ELOVL4: variants seen among roughly 807,000 people sequenced by gnomAD.
ELOVL4 encodes the protein ELOVL fatty acid elongase 4.
A neutral mutation model predicts 42.1 loss-of-function variants in ELOVL4; 18 were observed. The ratio of observed to expected loss-of-function variants is 0.43; its 90% CI spans 0.30 to 0.63. The LOEUF (loss-of-function observed/expected upper bound fraction) is 0.63, where lower values mean the gene tolerates loss of function less well. Ranked by LOEUF, ELOVL4 falls within the 30% of genes least tolerant of loss-of-function variation. The probability of loss-of-function intolerance (pLI) is 0.15; values close to 1 mark genes in which losing one functional copy is unlikely to be tolerated. For missense variants in ELOVL4, 299 were observed against 376.2 expected, an observed-to-expected ratio of 0.79 and a Z score of 1.70; for synonymous variants, 117 against 127.0, an observed-to-expected ratio of 0.92 and a Z score of 0.53.
At chr6:79,920,502 T>C (rs887379875) in intron 4 of ELOVL4, among the ~76,000 whole-genome samples, 3 of 152,330 alleles carry the variant, frequency 2.0e-5, no homozygotes, top group Middle Eastern at 3.4e-3. Context: ...ACCAGATGTG[T>C]TTCTGATTTC....
Position 79,940,829 on chromosome 6 carries a change from T to A in ELOVL4, c.100+6351A>T, listed in dbSNP as rs60751270. 1.8e-3 allele frequency among the ~76,000 whole-genome samples: 272 copies of A among 152,336 alleles called. 11 individuals are homozygous for A. In the East Asian group the frequency reaches 0.051, roughly 28 times the overall value. On this transcript the variant is annotated intron_variant, in intron 1 of 5. Transcript: ENST00000369816. ...TAATTTTATTCTTTAATATTATTGC[T>A]ACTGTTTTCGATAAAATAGTTGGCT...
intron 1 of ELOVL4, among the ~76,000 whole-genome samples, chr6:79,940,708 G>C (rs1004545803): frequency 6.6e-6 from 1 of 152,088 alleles, no homozygotes; most frequent in Non-Finnish European, 1.5e-5. Context: ...GTAGAAATAA[G>C]AGACCCAAAG....
chr6:79,917,574 C>T (rs1197924706), intron 5 of ELOVL4, among the ~76,000 whole-genome samples: 1 of 152,178 alleles, frequency 6.6e-6, no homozygotes, highest in Non-Finnish European at 1.5e-5. Flanking sequence ...AATCCCAGCA[C>T]TCTGGGAGGC....
intron 4 of ELOVL4, 135 bp downstream of exon 4, chr6:79,921,475 AAAAAAAAAAAAAAAG>A (rs1774255428): frequency 3.3e-6 from 2 of 603,930 alleles, no homozygotes; most frequent in African/African-American, 2.0e-5. Flanking sequence ...AAAAAAAAAA[AAAAAAAAAAAAAAAG>A]AAATGAACAT....
intron 1 of ELOVL4, among the ~76,000 whole-genome samples, chr6:79,933,888 C>A (rs1239703612): frequency 6.6e-6 from 1 of 152,186 alleles, no homozygotes; most frequent in Non-Finnish European, 1.5e-5. Flanking sequence ...AATCTACAGA[C>A]TCCACGACTG....
Position 79,926,206 on chromosome 6 carries a change from A to G in ELOVL4, c.276T>C (p.Phe92=). Residue 92 remains phenylalanine (F), a synonymous_variant, in exon 2 of 6, where the codon TTT becomes TTC. Coordinates refer to ENST00000369816, the MANE Select transcript of ELOVL4 (RefSeq NM_022726.4). The part of the protein sequence containing the change: ...YNFGMVLLNL[F]IFRELFMGSY... Reference sequence around the variant, plus strand: ...CTTAAAAACATACCTCTCTGAAGATAAAGAGGTTAAGCAAAACCATCCCAA... The same window carrying G: ...CTTAAAAACATACCTCTCTGAAGATGAAGAGGTTAAGCAAAACCATCCCAA... The G allele has an allele frequency of 6.2e-7, 1 of 1,613,424 alleles. No individual in the cohort carries two copies. Among genetic ancestry groups the G allele is most frequent in the African/African-American group, 1.3e-5 (1 of 75,012 alleles).
rs770473003 is a variant in ELOVL4 at position 79,926,211 on chromosome 6, G to T, written c.271C>A (p.Leu91Ile). The T allele has an allele frequency of 6.2e-7, 1 of 1,613,594 alleles. No homozygotes were observed. Among genetic ancestry groups the T allele is most frequent in the Non-Finnish European group, 8.5e-7 (1 of 1,179,778 alleles). Residue 91 changes from leucine to isoleucine, a missense_variant, in exon 2 of 6, where the codon CTC (leucine) becomes ATC (isoleucine). Leu to Ile is a conservative substitution (Grantham distance 5). Transcript: ENST00000369816. ...AAACATACCTCTCTGAAGATAAAGA[G>T]GTTAAGCAAAACCATCCCAAAATTA... ...IYNFGMVLLN[L>I]FIFRELFMGS...
At chr6:79,941,897 C>T (rs190426123) in intron 1 of ELOVL4, among the ~76,000 whole-genome samples, 7 of 152,128 alleles carry the variant, frequency 4.6e-5, no homozygotes, top group Admixed American at 6.5e-5. Context: ...TAAATAATAA[C>T]GAAAGTTTAA....
In ELOVL4 at chr6:79,928,770, C is replaced by G. The variant is rs142286184; in HGVS notation, c.101-2389G>C. ...TTTTTTTTTTTAAGAAATGGAGTCT[C>G]ATTCTATTGTCCAGACTAGAGGGCA... On this transcript the variant is annotated intron_variant, in intron 1 of 5. Coordinates refer to ENST00000369816, the MANE Select transcript of ELOVL4 (RefSeq NM_022726.4). Among the ~76,000 whole-genome samples, 761 of 111,462 alleles carry G rather than the reference C, an allele frequency of 6.8e-3. 6 individuals carry two copies. Among genetic ancestry groups the G allele is most frequent in the African/African-American group, 0.026 (715 of 27,410 alleles). 73.1% of individuals were successfully genotyped at this position (111,462 alleles called of 152,430 possible). A position where few individuals can be genotyped will look rare whatever the true frequency, so the allele number is the denominator to read the frequency against.
At position 79,915,423 on chromosome 6, in the gene ELOVL4, A is replaced by G. The variant is rs115100823; in HGVS notation, c.*1185T>C. On this transcript the variant is annotated 3_prime_UTR_variant, in exon 6 of 6. Coordinates refer to ENST00000369816, the MANE Select transcript of ELOVL4 (RefSeq NM_022726.4). ...AATCTTTAGCACCAAGGAGTCAAGA[A>G]TATTGCACCAAAATGGGTTTATACT... The G allele has an allele frequency of 1.2e-4, 19 of 152,748 alleles. No individual in the cohort carries two copies. Among genetic ancestry groups the G allele is most frequent in the African/African-American group, 4.6e-4 (19 of 41,588 alleles). 9.5% of individuals were successfully genotyped at this position (152,748 alleles called of 1,614,324 possible).
intron 4 of ELOVL4, among the ~76,000 whole-genome samples, chr6:79,920,595 A>G (rs574172999): frequency 6.6e-6 from 1 of 152,218 alleles, no homozygotes; most frequent in African/African-American, 2.4e-5. Context: ...CCAAAACTTC[A>G]TATACACCTT....
chr6:79,933,464 C>G (rs538870971), intron 1 of ELOVL4, among the ~76,000 whole-genome samples: 156 of 152,186 alleles, frequency 1.0e-3, no homozygotes, highest in African/African-American at 3.7e-3. Flanking sequence ...CCCCTGAGCT[C>G]AAGCAACCCA....
At chr6:79,939,503 CTTTATTTATTTA>C (rs70977795) in intron 1 of ELOVL4, among the ~76,000 whole-genome samples, 2,467 of 145,518 alleles carry the variant, frequency 0.017, 32 homozygotes, top group South Asian at 0.04. Flanking sequence ...AATTTGACTA[CTTTATTTATTTA>C]TTTATTTATT....
Position 79,926,365 on chromosome 6 carries a change from A to G in ELOVL4, c.117T>C (p.Asn39=), listed in dbSNP as rs754345364. The change falls in exon 2 of 6, where the codon AAT becomes AAC. Residue 39 remains asparagine (N), a synonymous_variant. Transcript: ENST00000369816. ...TWSIADKRVE[N]WPLMQSPWPT... ...GCCAAGGAGACTGCATCAGAGGCCA[A>G]TTTTCCACACGCTTATCTATAGAGA... 5 of 1,613,936 alleles carry G rather than the reference A, an allele frequency of 3.1e-6. No individual in the cohort carries two copies. The highest frequency in any genetic ancestry group is 3.4e-6 in the Non-Finnish European group (4 of 1,179,890).
chr6:79,929,015 T>C (rs1359907947), intron 1 of ELOVL4, among the ~76,000 whole-genome samples: 2 of 152,022 alleles, frequency 1.3e-5, no homozygotes, highest in African/African-American at 4.8e-5. Flanking sequence ...ACCAGCTGAC[T>C]GGCTGAGTTC....
intron 5 of ELOVL4, 45 bp from the exon 6 acceptor site, chr6:79,916,928 A>G: frequency 1.2e-6 from 2 of 1,611,962 alleles, no homozygotes; most frequent in Non-Finnish European, 1.7e-6. Context: ...TCTGAATAGT[A>G]AACAACTTTT....
intron 1 of ELOVL4, among the ~76,000 whole-genome samples, chr6:79,943,430 G>A (rs866837654): frequency 5.3e-5 from 8 of 152,244 alleles, no homozygotes; most frequent in Middle Eastern, 3.4e-3. Context: ...CAAATACTCT[G>A]ACAGTACTCA....
Position 79,916,655 on chromosome 6 carries a change from T to C in ELOVL4, c.898A>G (p.Ile300Val). 1 of 1,614,198 alleles carries C rather than the reference T, an allele frequency of 6.2e-7. No individual in the cohort carries two copies. The highest frequency in any genetic ancestry group is 8.5e-7 in the Non-Finnish European group (1 of 1,180,024). The change falls in exon 6 of 6, where the codon ATA becomes GTA. Residue 300 changes from isoleucine to valine, a missense_variant. Coordinates refer to ENST00000369816, the MANE Select transcript of ELOVL4 (RefSeq NM_022726.4). ...TTTTTCTGCTTTTTTCCATTTTCTA[T>C]CATGAGTTGTTTTTCTGATTTGCTC... Reference protein sequence around the residue: ...GVSKSEKQLMIENGKKQKNGK... With the variant: ...GVSKSEKQLMVENGKKQKNGK...
chr6:79,921,553 A>G (rs1265952420), intron 4 of ELOVL4, 72 bp downstream of exon 4: 2 of 1,283,650 alleles, frequency 1.6e-6, no homozygotes, highest in Non-Finnish European at 2.2e-6. Flanking sequence ...TCAAAGTCCT[A>G]GGTTCTCATT....
Sources: gnomAD v4.1 joint callset for allele counts (sites outside exome capture counted in the v4.1 genomes callset) on GRCh38, gnomAD v4.1.1 for gene constraint, MANE v1.5 for transcripts, NCBI Gene and HGNC (gene_info 2026-07-23, HGNC 2026-07-21) for gene names.